TYR: variants seen among roughly 807,000 people sequenced by gnomAD.
The protein encoded by TYR is tyrosinase, also known as LB24-AB.
Under a neutral mutation model 51.5 loss-of-function variants are expected in TYR, and 58 were observed. The observed-to-expected ratio is 1.13, with a 90% CI of 0.91 to 1.40. The LOEUF (loss-of-function observed/expected upper bound fraction) is 1.40, where lower values mean the gene tolerates loss of function less well. Ranked by LOEUF, TYR falls within the 40% of genes most tolerant of loss-of-function variation. The pLI, the probability that TYR is intolerant of heterozygous loss-of-function variation, is 0.00. For missense variants in TYR, 732 were observed against 647.4 expected (o/e 1.13, Z -1.42); for synonymous variants, 263 against 235.2 (o/e 1.12, Z -1.08).
At chr11:89,212,556 A>G (rs943204604) in intron 2 of TYR, among the ~76,000 whole-genome samples, 3 of 147,882 alleles carry the variant, frequency 2.0e-5, no homozygotes, top group Admixed American at 6.7e-5. Context: ...CAATCAATAG[A>G]AAAACAGGGA....
intron 3 of TYR, among the ~76,000 whole-genome samples, chr11:89,258,950 C>A (rs1944426255): frequency 6.6e-6 from 1 of 152,008 alleles, no homozygotes; most frequent in Admixed American, 6.6e-5. Context: ...CATCTATTTT[C>A]TAAGTCATAC....
Position 89,178,222 on chromosome 11 carries a change from AGTGCTCT to A in TYR, c.271_277del (p.Cys91AlafsTer27), listed in dbSNP as rs1943251087. Reference sequence around the variant, plus strand: ...TCCGTCTTTTATAATAGGACCTGCCAGTGCTCTGGCAACTTCATGGGATTCAACTGTG... The same window carrying A: ...TCCGTCTTTTATAATAGGACCTGCCAGGCAACTTCATGGGATTCAACTGTG... On this transcript the variant is annotated frameshift_variant, in exon 1 of 5. Coordinates refer to ENST00000263321, the MANE Select transcript of TYR (RefSeq NM_000372.5). LOFTEE classifies it high-confidence loss of function. 1 of 1,614,074 alleles carries A rather than the reference AGTGCTCT, an allele frequency of 6.2e-7. No individual in the cohort carries two copies. Among genetic ancestry groups the A allele is most frequent in the Non-Finnish European group, 8.5e-7 (1 of 1,180,042 alleles).
In TYR at chr11:89,177,923, T is replaced by A; in HGVS notation, c.-31T>A. ...AAATCTGTGACTCCAATTAGCCAGT[T>A]CCTGCAGACCTTGTGAGGACTAGAG... is the stretch of plus-strand genomic sequence containing the variant. On this transcript the variant is annotated 5_prime_UTR_variant, in exon 1 of 5. Coordinates refer to ENST00000263321, the MANE Select transcript of TYR (RefSeq NM_000372.5). 2.5e-6 allele frequency: 4 copies of A among 1,610,212 alleles called. No individual in the cohort carries two copies. The highest frequency in any genetic ancestry group is 3.4e-6 in the Non-Finnish European group (4 of 1,177,450).
intron 2 of TYR, among the ~76,000 whole-genome samples, chr11:89,194,931 A>C (rs1943495392): frequency 6.6e-6 from 1 of 152,150 alleles, no homozygotes; most frequent in African/African-American, 2.4e-5. Context: ...CCATGACTCC[A>C]AGGAGTAATG....
chr11:89,187,153 T>G (rs1943385662), intron 1 of TYR, among the ~76,000 whole-genome samples: 1 of 152,022 alleles, frequency 6.6e-6, no homozygotes, highest in Admixed American at 6.6e-5. Flanking sequence ...ACTGAGACTG[T>G]GGGATACCTA....
At chr11:89,218,958 T>G (rs547943644) in intron 2 of TYR, among the ~76,000 whole-genome samples, 1 of 152,218 alleles carries the variant, frequency 6.6e-6, no homozygotes, top group African/African-American at 2.4e-5. Flanking sequence ...ACTAGTTAAA[T>G]GACTTTTGTA....
chr11:89,211,747 CT>C (rs1304399980), intron 2 of TYR, among the ~76,000 whole-genome samples: 1 of 152,186 alleles, frequency 6.6e-6, no homozygotes, highest in Non-Finnish European at 1.5e-5. Flanking sequence ...AACAAACTGT[CT>C]CTCAGACCAC....
chr11:89,207,136 C>A (rs1943682874), intron 2 of TYR, among the ~76,000 whole-genome samples: 1 of 151,618 alleles, frequency 6.6e-6, no homozygotes, highest in Admixed American at 6.6e-5. Context: ...GAGCAGAAAG[C>A]AGTGAAATTA....
intron 3 of TYR, among the ~76,000 whole-genome samples, chr11:89,238,671 G>A (rs1944153290): frequency 6.6e-6 from 1 of 152,026 alleles, no homozygotes; most frequent in East Asian, 1.9e-4. Context: ...TTCCTGATAT[G>A]AGACAAAAGA....
intron 1 of TYR, among the ~76,000 whole-genome samples, chr11:89,185,169 A>G (rs1943353727): frequency 6.6e-6 from 1 of 152,282 alleles, no homozygotes; most frequent in Non-Finnish European, 1.5e-5. Flanking sequence ...GTAGTCTTCC[A>G]CAGTCTGGCT....
At chr11:89,245,193 G>A (rs1009595871) in intron 3 of TYR, among the ~76,000 whole-genome samples, 3 of 152,170 alleles carry the variant, frequency 2.0e-5, no homozygotes, top group Admixed American at 1.3e-4. Context: ...AAAAGGTGTA[G>A]AAATATGTGG....
chr11:89,220,155 T>A (rs936642165), intron 2 of TYR, among the ~76,000 whole-genome samples: 2 of 148,702 alleles, frequency 1.3e-5, no homozygotes, highest in Non-Finnish European at 1.5e-5. Context: ...AAAAAAAAAA[T>A]GGTTTTATTT....
chr11:89,260,076 G>C (rs1404920100), intron 3 of TYR, among the ~76,000 whole-genome samples: 1 of 151,928 alleles, frequency 6.6e-6, no homozygotes, highest in East Asian at 1.9e-4. Flanking sequence ...TGGTTAAAAA[G>C]AGATTGTATA....
rs1303278898 is a variant in TYR at position 89,199,940 on chromosome 11, T to C, written c.1036+8522T>C. Among the ~76,000 whole-genome samples the C allele has an allele frequency of 2.6e-5, 4 of 152,246 alleles. No homozygotes were observed. In the East Asian group the frequency reaches 7.7e-4, roughly 29 times the overall value. ...ATGGAGCAAAATAATAATACACCTT[T>C]TCTAAGTATAGAGTCAGGCATTAAG... is the stretch of plus-strand genomic sequence containing the variant. On this transcript the variant is annotated intron_variant, in intron 2 of 4. Transcript: ENST00000263321.
chr11:89,208,902 A>G (rs1390353998), intron 2 of TYR, among the ~76,000 whole-genome samples: 2 of 152,184 alleles, frequency 1.3e-5, no homozygotes, highest in African/African-American at 2.4e-5. Flanking sequence ...TGTTATTGTA[A>G]AGTAAGAACA....
intron 1 of TYR, among the ~76,000 whole-genome samples, chr11:89,183,964 GA>G (rs1389584181): frequency 2.0e-5 from 3 of 152,030 alleles, no homozygotes; most frequent in Non-Finnish European, 2.9e-5. Flanking sequence ...ATTTACAGAT[GA>G]AAAAACTTAA....
intron 3 of TYR, among the ~76,000 whole-genome samples, chr11:89,251,014 T>C (rs1944325676): frequency 6.6e-6 from 1 of 151,904 alleles, no homozygotes; most frequent in Non-Finnish European, 1.5e-5. Flanking sequence ...GAAAATAGTA[T>C]TTTAGAATTT....
At chr11:89,280,873 A>T (rs1243619828) in intron 3 of TYR, among the ~76,000 whole-genome samples, 1 of 151,654 alleles carries the variant, frequency 6.6e-6, no homozygotes, top group African/African-American at 2.4e-5. Flanking sequence ...CAGTTTTGAG[A>T]TGAGAGGCCT....
intron 2 of TYR, among the ~76,000 whole-genome samples, chr11:89,212,140 T>C (rs1291098869): frequency 6.6e-6 from 1 of 152,042 alleles, no homozygotes; most frequent in African/African-American, 2.4e-5. Context: ...TTCAAAAAAA[T>C]CAATGAATCC....
Sources: allele counts gnomAD v4.1 joint callset (sites outside exome capture counted in the v4.1 genomes callset), GRCh38; gene constraint gnomAD v4.1.1; transcripts MANE v1.5; gene names NCBI Gene and HGNC (gene_info 2026-07-23, HGNC 2026-07-21).